The following VIPR1 variants were observed in gnomAD, a reference collection of about 807,000 sequenced individuals.
VIPR1 encodes the protein vasoactive intestinal peptide receptor 1.
In VIPR1, 59 loss-of-function variants were observed where a neutral mutation model predicts 58.8. The observed-to-expected ratio is 1.00, with a 90% CI of 0.81 to 1.25. The LOEUF (loss-of-function observed/expected upper bound fraction) is 1.25. VIPR1 is among the 50% of genes most tolerant of loss of function. The probability of loss-of-function intolerance (pLI) is 0.00; values close to 1 mark genes in which losing one functional copy is unlikely to be tolerated. For missense variants in VIPR1, 626 were observed against 602.7 expected (o/e 1.04, Z -0.40); for synonymous variants, 251 against 242.1 (o/e 1.04, Z -0.34).
At chr3:42,532,507 C>T in intron 10 of VIPR1, 174 bp downstream of exon 10, 1 of 682,752 alleles carries the variant, frequency 1.5e-6, no homozygotes, top group Non-Finnish European at 2.6e-6. Flanking sequence ...CCTGCTCCAG[C>T]CCCACCCTCA....
Position 42,502,806 on chromosome 3 carries a change from G to T in VIPR1, c.71G>T (p.Gly24Val), listed in dbSNP as rs750829637. Reference protein sequence around the residue: ...VLAGALAWALGPAGGQAARLQ... With the variant: ...VLAGALAWALVPAGGQAARLQ... Reference sequence around the variant, plus strand: ...GCAGGCGCCCTCGCCTGGGCCCTTGGGCCGGCGGTGAGTGTTCGCCCGGCC... The same window carrying T: ...GCAGGCGCCCTCGCCTGGGCCCTTGTGCCGGCGGTGAGTGTTCGCCCGGCC... The change falls in exon 1 of 13, where the codon GGG becomes GTG. Residue 24 changes from glycine to valine, a missense_variant. Physicochemically the swap from Gly to Val is moderately radical, Grantham distance 109. Transcript: ENST00000325123. 4.7e-5 allele frequency: 59 copies of T among 1,267,534 alleles called. No individual in the cohort carries two copies. The South Asian group carries it at 1.5e-3, about 32-fold the overall frequency. The allele number at this position is 1,267,534 out of a possible 1,614,324, so 78.5% of individuals were successfully genotyped here.
chr3:42,494,163 T>C (rs1699716916), intron 1 of VIPR1, among the ~76,000 whole-genome samples: 1 of 152,272 alleles, frequency 6.6e-6, no homozygotes, highest in South Asian at 2.1e-4. Context: ...CGCTGCTGTT[T>C]AATTTTTGCT....
At chr3:42,535,430 G>A (rs755070780) in intron 12 of VIPR1, 46 bp downstream of exon 12, 1 of 1,601,172 alleles carries the variant, frequency 6.2e-7, no homozygotes, top group East Asian at 2.2e-5. Context: ...GAACTCCCAG[G>A]ACCAGGGTCC....
At position 42,491,057 on chromosome 3, in the gene VIPR1, C is replaced by A. The variant is rs191625394; in HGVS notation, c.-245+1379C>A. ...TCTGAGAGAAATGTGTTAAATAACA[C>A]CACAGGGGCACAAGCAGCAAACTTT... On this transcript the variant is annotated intron_variant, in intron 1 of 13. Coordinates refer to the VIPR1 transcript ENST00000433647. Among the ~76,000 whole-genome samples, 136 of 152,184 alleles carry A rather than the reference C, an allele frequency of 8.9e-4. 1 individual carries two copies. The highest frequency in any genetic ancestry group is 1.5e-3 in the Non-Finnish European group (101 of 68,004).
intron 2 of VIPR1, among the ~76,000 whole-genome samples, chr3:42,514,973 G>C (rs1001207375): frequency 6.6e-6 from 1 of 152,198 alleles, no homozygotes; most frequent in Non-Finnish European, 1.5e-5. Flanking sequence ...ACTTCCCATG[G>C]GGAGTGGGGC....
At chr3:42,494,203 CATT>C (rs1699717706) in intron 1 of VIPR1, among the ~76,000 whole-genome samples, 2 of 152,174 alleles carry the variant, frequency 1.3e-5, no homozygotes, top group South Asian at 4.1e-4. Flanking sequence ...ATGAATTAAA[CATT>C]AGACGTTAAA....
intron 8 of VIPR1, 68 bp downstream of exon 8, chr3:42,531,599 A>G: frequency 6.3e-7 from 1 of 1,579,816 alleles, no homozygotes; most frequent in Non-Finnish European, 8.6e-7. Context: ...TGGGATGATA[A>G]TGCCATCTGG....
intron 5 of VIPR1, chr3:42,527,758 A>G: frequency 1.5e-6 from 1 of 656,956 alleles, no homozygotes; most frequent in Non-Finnish European, 2.6e-6. Flanking sequence ...CACAGGAATG[A>G]GGCTTCTGGG....
At chr3:42,504,596 G>A (rs935674933) in intron 1 of VIPR1, among the ~76,000 whole-genome samples, 2 of 151,916 alleles carry the variant, frequency 1.3e-5, no homozygotes, top group African/African-American at 2.4e-5. Flanking sequence ...GCAGGGGCTG[G>A]GTCCACAGAG....
At chr3:42,507,606 A>C (rs1700173894) in intron 1 of VIPR1, among the ~76,000 whole-genome samples, 1 of 152,172 alleles carries the variant, frequency 6.6e-6, no homozygotes, top group Non-Finnish European at 1.5e-5. Flanking sequence ...GAGTCCTGCA[A>C]ACTCCAGTTC....
At chr3:42,518,873 T>A (rs1700765706) in intron 2 of VIPR1, among the ~76,000 whole-genome samples, 1 of 152,240 alleles carries the variant, frequency 6.6e-6, no homozygotes, top group African/African-American at 2.4e-5. Context: ...CAATTCATCA[T>A]TGTGCAGGAG....
At chr3:42,498,510 C>T (rs71315545), upstream of VIPR1, among the ~76,000 whole-genome samples, 278 of 152,312 alleles carry the variant, frequency 1.8e-3, 1 homozygote, top group Non-Finnish European at 3.5e-3. Context: ...ACTAGAGGAC[C>T]TGAACTGACA....
chr3:42,535,368 G>T lies in VIPR1; in HGVS notation c.1166G>T (p.Cys389Phe), dbSNP rs1351537850. The change falls in exon 12 of 13, where the codon TGC (cysteine) becomes TTC (phenylalanine). Residue 389 changes from cysteine (C) to phenylalanine (F), a missense_variant. Cys to Phe is a radical substitution (Grantham distance 205). Transcript: ENST00000325123. ...FQGFVVAILY[C>F]FLNGEVQAEL... ...GGTTTTGTGGTGGCTATCCTCTACTGCTTCCTCAATGGTGAGGTAAGCCCC... is the reference window on the plus strand; with the variant it reads ...GGTTTTGTGGTGGCTATCCTCTACTTCTTCCTCAATGGTGAGGTAAGCCCC... 5 of 1,613,990 alleles carry T rather than the reference G, an allele frequency of 3.1e-6. No homozygotes were observed. The East Asian group carries it at 1.1e-4, about 36-fold the overall frequency.
At chr3:42,496,550 C>T (rs896116790) in intron 1 of VIPR1, among the ~76,000 whole-genome samples, 4 of 152,200 alleles carry the variant, frequency 2.6e-5, no homozygotes, top group African/African-American at 9.6e-5. Context: ...GTGTTAAACT[C>T]TTCCACTAGG....
intron 1 of VIPR1, among the ~76,000 whole-genome samples, chr3:42,496,631 G>A (rs1334322464): frequency 6.6e-6 from 1 of 152,104 alleles, no homozygotes; most frequent in Non-Finnish European, 1.5e-5. Flanking sequence ...TAGACGTTTG[G>A]CATTTTTATA....
intron 1 of VIPR1, among the ~76,000 whole-genome samples, chr3:42,496,517 T>C (rs1699767422): frequency 6.6e-6 from 1 of 152,214 alleles, no homozygotes; most frequent in African/African-American, 2.4e-5. Flanking sequence ...TTCTGAGAAC[T>C]GAAAAGAATT....
At chr3:42,520,776 G>A (rs1187742009) in intron 3 of VIPR1, among the ~76,000 whole-genome samples, 1 of 152,160 alleles carries the variant, frequency 6.6e-6, no homozygotes, top group African/African-American at 2.4e-5. Flanking sequence ...AGTGGGGATA[G>A]GTGGTAGACC....
intron 3 of VIPR1, among the ~76,000 whole-genome samples, chr3:42,522,740 G>A (rs1225149056): frequency 1.3e-5 from 2 of 152,200 alleles, no homozygotes; most frequent in African/African-American, 2.4e-5. Context: ...CAGGGGAGAT[G>A]AGGTGGTGGT....
chr3:42,518,005 TC>T (rs1450062415), intron 2 of VIPR1, among the ~76,000 whole-genome samples: 2 of 151,968 alleles, frequency 1.3e-5, no homozygotes, highest in East Asian at 3.9e-4. Flanking sequence ...TGCATCTAGT[TC>T]TTTTTTTTTT....
Sources: gnomAD v4.1 joint callset for allele counts (sites outside exome capture counted in the v4.1 genomes callset) on GRCh38, gnomAD v4.1.1 for gene constraint, MANE v1.5 for transcripts, NCBI Gene and HGNC (gene_info 2026-07-23, HGNC 2026-07-21) for gene names.